The following IFT80 variants were observed in gnomAD, a reference collection of about 807,000 sequenced individuals.
IFT80 encodes the protein intraflagellar transport protein 80 homolog.
Under a neutral mutation model 107.9 loss-of-function variants are expected in IFT80, and 79 were observed. The ratio of observed to expected loss-of-function variants is 0.73; its 90% CI spans 0.61 to 0.88. The LOEUF is 0.88. Among genes scored for constraint, IFT80 ranks in the 40% least tolerant of loss-of-function variants. The pLI is 0.00. For synonymous variants in IFT80, 299 were observed against 300.9 expected (o/e 0.99, Z 0.07); for missense variants, 797 against 914.2 (o/e 0.87, Z 1.65).
At chr3:160,273,911 A>C (rs1406292219) in intron 18 of IFT80, among the ~76,000 whole-genome samples, 1 of 152,164 alleles carries the variant, frequency 6.6e-6, no homozygotes, top group Non-Finnish European at 1.5e-5. Context: ...AAACACATGA[A>C]AAGGAGATGC....
chr3:160,393,618 C>T (rs1423020993), intron 1 of IFT80, among the ~76,000 whole-genome samples: 2 of 151,826 alleles, frequency 1.3e-5, no homozygotes, highest in Admixed American at 6.6e-5. Context: ...GACAGTGGCA[C>T]AACTGTGGAT....
chr3:160,369,171 G>A (rs1028655691), intron 5 of IFT80, among the ~76,000 whole-genome samples: 3 of 151,726 alleles, frequency 2.0e-5, no homozygotes, highest in Non-Finnish European at 4.4e-5. Context: ...TAATGTTAAA[G>A]AAACAGGTAT....
At chr3:160,273,768 G>A (rs916604624) in intron 18 of IFT80, among the ~76,000 whole-genome samples, 1 of 152,158 alleles carries the variant, frequency 6.6e-6, no homozygotes, top group Non-Finnish European at 1.5e-5. Flanking sequence ...TAAGTGTATA[G>A]ATAGTGTAGT....
At chr3:160,374,052 A>T (rs1186015098) in intron 5 of IFT80, among the ~76,000 whole-genome samples, 1 of 152,202 alleles carries the variant, frequency 6.6e-6, no homozygotes, top group Non-Finnish European at 1.5e-5. Context: ...AACATCTGAA[A>T]TGGTGAATCC....
At chr3:160,383,336 T>TA (rs1409780164) in intron 2 of IFT80, 1 of 450,878 alleles carries the variant, frequency 2.2e-6, no homozygotes, top group Non-Finnish European at 2.9e-6. Flanking sequence ...CACATTTTTT[T>TA]TGAAAAGACA....
chr3:160,391,859 T>C (rs934383323), intron 1 of IFT80, among the ~76,000 whole-genome samples: 6 of 152,230 alleles, frequency 3.9e-5, no homozygotes, highest in African/African-American at 1.4e-4. Flanking sequence ...AATAGTTGCA[T>C]CGTATTTAAA....
chr3:160,358,990 C>G (rs1721300021), intron 6 of IFT80, among the ~76,000 whole-genome samples: 1 of 152,084 alleles, frequency 6.6e-6, no homozygotes, highest in Admixed American at 6.6e-5. Flanking sequence ...ACTATAAGAC[C>G]AAGTTCGAAG....
chr3:160,346,537 A>T (rs963686050), intron 8 of IFT80, among the ~76,000 whole-genome samples: 2 of 152,124 alleles, frequency 1.3e-5, no homozygotes, highest in African/African-American at 4.8e-5. Context: ...TTTGTTGAAA[A>T]TTGGATGTTT....
intron 12 of IFT80, among the ~76,000 whole-genome samples, chr3:160,292,632 A>T (rs1199342502): frequency 6.6e-6 from 1 of 152,030 alleles, no homozygotes; most frequent in Non-Finnish European, 1.5e-5. Context: ...GGTGCACACC[A>T]CCACGGCCAG....
At chr3:160,348,440 T>G (rs1720449926) in intron 8 of IFT80, among the ~76,000 whole-genome samples, 6 of 152,162 alleles carry the variant, frequency 3.9e-5, no homozygotes, top group Admixed American at 3.9e-4. Flanking sequence ...ATAACACCTA[T>G]GTACTCCAGA....
chr3:160,365,031 C>A (rs1559962822), intron 6 of IFT80, among the ~76,000 whole-genome samples: 1 of 151,006 alleles, frequency 6.6e-6, no homozygotes, highest in African/African-American at 2.4e-5. Context: ...AACAAATTCA[C>A]ATAACTATAA....
chr3:160,304,435 CTT>C (rs869204306), intron 10 of IFT80, among the ~76,000 whole-genome samples: 15 of 129,174 alleles, frequency 1.2e-4, no homozygotes, highest in African/African-American at 8.5e-5. Context: ...TTGATTTTTT[CTT>C]TTTTTTTTTT....
At chr3:160,344,767 C>A (rs763141913) in intron 8 of IFT80, among the ~76,000 whole-genome samples, 2 of 151,950 alleles carry the variant, frequency 1.3e-5, no homozygotes, top group East Asian at 1.9e-4. Context: ...ATAATATGAT[C>A]AAAAATTGGG....
At chr3:160,385,426 C>A (rs1712852770) in intron 1 of IFT80, among the ~76,000 whole-genome samples, 1 of 152,056 alleles carries the variant, frequency 6.6e-6, no homozygotes, top group African/African-American at 2.4e-5. Flanking sequence ...AAATGTAAAT[C>A]AAATGAAAGT....
At chr3:160,341,554 T>C (rs1474996920) in intron 8 of IFT80, among the ~76,000 whole-genome samples, 2 of 152,132 alleles carry the variant, frequency 1.3e-5, no homozygotes, top group African/African-American at 2.4e-5. Context: ...AGACCAGGCA[T>C]GTGTACCAAA....
At chr3:160,319,999 T>A in intron 8 of IFT80, 60 bp from the exon 9 acceptor site, 2 of 1,195,222 alleles carry the variant, frequency 1.7e-6, no homozygotes, top group Non-Finnish European at 2.4e-6. Flanking sequence ...TAGGAAGTTT[T>A]AAATCAGGCA....
intron 9 of IFT80, among the ~76,000 whole-genome samples, chr3:160,308,009 C>G (rs1010552286): frequency 2.0e-5 from 3 of 151,898 alleles, no homozygotes; most frequent in African/African-American, 7.3e-5. Context: ...AGAAAAAGAC[C>G]TACTGAGATT....
intron 6 of IFT80, among the ~76,000 whole-genome samples, chr3:160,359,642 C>A (rs1167573008): frequency 3.3e-5 from 5 of 152,152 alleles, no homozygotes; most frequent in African/African-American, 1.2e-4. Flanking sequence ...GAGGAAGGAT[C>A]AGGCAGCAAT....
rs201146135 is a variant in IFT80 at position 160,285,834 on chromosome 3, C to T, written c.1350G>A (p.Pro450=). The T allele has an allele frequency of 2.1e-4, 342 of 1,610,100 alleles. No homozygotes were observed. In the East Asian group the frequency reaches 2.7e-3, roughly 13 times the overall value. ...IFLFEASTGK[P]LGDGKFLSHK... Reference sequence around the variant, plus strand: ...GAGAAAGAAACTTTCCATCACCTAACGGCTTTCCGGTTGATGCCTCAAAGA... The same window carrying T: ...GAGAAAGAAACTTTCCATCACCTAATGGCTTTCCGGTTGATGCCTCAAAGA... The change falls in exon 13 of 20, where the codon CCG becomes CCA. Residue 450 remains proline, a synonymous_variant. Coordinates refer to ENST00000326448, the MANE Select transcript of IFT80 (RefSeq NM_020800.3).
Sources: allele counts gnomAD v4.1 joint callset (sites outside exome capture counted in the v4.1 genomes callset), GRCh38; gene constraint gnomAD v4.1.1; transcripts MANE v1.5; gene names NCBI Gene and HGNC (gene_info 2026-07-23, HGNC 2026-07-21).